Variants in ABCA13 observed in about 807,000 individuals in gnomAD.
The protein encoded by ABCA13 is ATP binding cassette subfamily A member 13.
In ABCA13, 476 loss-of-function variants were observed where a neutral mutation model predicts 478.7. That is an observed-to-expected ratio of 0.99 (90% CI 0.92 to 1.07). The LOEUF is 1.07. Among genes scored for constraint, ABCA13 ranks in the 50% least tolerant of loss-of-function variants. The pLI, the probability that ABCA13 is intolerant of heterozygous loss-of-function variation, is 0.00. For missense variants in ABCA13, 6,060 were observed against 5,910.6 expected, an observed-to-expected ratio of 1.03 and a Z score of -0.83; for synonymous variants, 2,252 against 2,158.9, an observed-to-expected ratio of 1.04 and a Z score of -1.20.
intron 23 of ABCA13, among the ~76,000 whole-genome samples, chr7:48,302,096 G>A (rs1463359559): frequency 6.6e-6 from 1 of 152,168 alleles, no homozygotes; most frequent in Non-Finnish European, 1.5e-5. Context: ...TCACAGCTGG[G>A]AGAGGGCCTG....
chr7:48,520,346 A>G (rs1832458248), intron 53 of ABCA13, 52 bp downstream of exon 53: 3 of 1,517,796 alleles, frequency 2.0e-6, no homozygotes, highest in Non-Finnish European at 2.6e-6. Context: ...GCAAAATGAG[A>G]GGAAGAGAAA....
chr7:48,294,472 C>T (rs1272562876), intron 20 of ABCA13, among the ~76,000 whole-genome samples: 2 of 140,102 alleles, frequency 1.4e-5, no homozygotes, highest in African/African-American at 5.3e-5. Context: ...CGGAGTCTCG[C>T]TCTGTCGCCC....
chr7:48,261,496 A>G (rs141910205), intron 15 of ABCA13, among the ~76,000 whole-genome samples: 85 of 152,020 alleles, frequency 5.6e-4, no homozygotes, highest in African/African-American at 1.7e-3. Flanking sequence ...AACTCCTGTT[A>G]GCCATCAGTT....
intron 59 of ABCA13, among the ~76,000 whole-genome samples, chr7:48,618,834 T>A (rs543675124): frequency 6.6e-6 from 1 of 152,246 alleles, no homozygotes; most frequent in Non-Finnish European, 1.5e-5. Context: ...GGTCAGCTGG[T>A]TTGTATTTGA....
At chr7:48,558,958 GC>G (rs1786156626) in intron 55 of ABCA13, among the ~76,000 whole-genome samples, 1 of 152,218 alleles carries the variant, frequency 6.6e-6, no homozygotes, top group Admixed American at 6.5e-5. Context: ...CATAGTGGCA[GC>G]CTTTTTGCTT....
chr7:48,571,146 T>C (rs1787604252), intron 55 of ABCA13, among the ~76,000 whole-genome samples: 1 of 152,196 alleles, frequency 6.6e-6, no homozygotes. Flanking sequence ...GATTGTGTGC[T>C]CATCAGCATT....
chr7:48,227,187 A>C (rs956292082), intron 5 of ABCA13, 75 bp from the exon 6 acceptor site: 41 of 1,529,734 alleles, frequency 2.7e-5, no homozygotes, highest in Non-Finnish European at 3.5e-5. Context: ...GCACCTTTGT[A>C]GCATCTGTCT....
chr7:48,621,283 C>T (rs1793104472), intron 59 of ABCA13, among the ~76,000 whole-genome samples: 2 of 152,162 alleles, frequency 1.3e-5, no homozygotes, highest in Admixed American at 6.6e-5. Context: ...ATCCTGCCTG[C>T]CAAAAGATCT....
chr7:48,420,836 G>A (rs1191028718), intron 41 of ABCA13, among the ~76,000 whole-genome samples: 1 of 150,956 alleles, frequency 6.6e-6, no homozygotes, highest in African/African-American at 2.4e-5. Context: ...ATGTCCCTAA[G>A]AGCAAAAGGA....
intron 21 of ABCA13, among the ~76,000 whole-genome samples, chr7:48,296,482 T>C (rs897946109): frequency 3.3e-5 from 5 of 150,344 alleles, no homozygotes; most frequent in African/African-American, 1.2e-4. Context: ...TTTTTTGAGA[T>C]GGAGTCTCGC....
At chr7:48,358,909 C>A (rs947359810) in intron 31 of ABCA13, among the ~76,000 whole-genome samples, 1 of 151,958 alleles carries the variant, frequency 6.6e-6, no homozygotes, top group African/African-American at 2.4e-5. Flanking sequence ...GACAGTGCAT[C>A]TCACCTTCTA....
At chr7:48,365,397 T>C (rs908656023) in intron 31 of ABCA13, among the ~76,000 whole-genome samples, 1 of 152,178 alleles carries the variant, frequency 6.6e-6, no homozygotes, top group Admixed American at 6.5e-5. Context: ...GTTTCCTTTG[T>C]TTGCAGAAGC....
intron 44 of ABCA13, among the ~76,000 whole-genome samples, chr7:48,468,228 C>T (rs954870928): frequency 3.3e-5 from 5 of 152,128 alleles, no homozygotes; most frequent in Non-Finnish European, 5.9e-5. Flanking sequence ...TGTTTGGACA[C>T]GTATTTTACT....
rs1204005773 is a variant in ABCA13, at chr7:48,387,830, G to C, written c.11344G>C (p.Gly3782Arg). The part of the protein sequence containing the change: ...YLSNLIPGTF[G>R]LRKPWYFPFT... ...ATTGTTTCATTTTTTAGGAACATTT[G>C]GTTTACGGAAACCATGGTATTTCCC... The change falls in exon 36 of 62, where the codon GGT becomes CGT. Residue 3782 changes from glycine to arginine, a missense_variant. Gly to Arg is a moderately radical substitution (Grantham distance 125). Around this residue, in one of 3 missense-constraint regions of ABCA13, gnomAD observed 1,627 missense variants for 1,571.0 expected, o/e 1.04. Transcript: ENST00000435803. The C allele has an allele frequency of 6.3e-7, 1 of 1,575,568 alleles. No individual in the cohort carries two copies. Among genetic ancestry groups the C allele is most frequent in the Admixed American group, 2.0e-5 (1 of 50,664 alleles).
Position 48,275,602 on chromosome 7 carries a change from G to A in ABCA13, c.5936G>A (p.Ser1979Asn), listed in dbSNP as rs1796196186. 6.2e-6 allele frequency: 10 copies of A among 1,611,320 alleles called. No individual in the cohort carries two copies. The highest frequency in any genetic ancestry group is 8.5e-6 in the Non-Finnish European group (10 of 1,178,340). The stretch of plus-strand genomic sequence containing the variant: ...GAAAATATTCTTGACAAACTAAGTA[G>A]TTTAAACAAGATCCTTAACATTAAT... The part of the protein sequence containing the change: ...SGENILDKLS[S>N]LNKILNINED... The change falls in exon 17 of 62, where the codon AGT becomes AAT. Residue 1979 changes from serine to asparagine, a missense_variant. Transcript: ENST00000435803.
At chr7:48,346,556 A>G (rs906825490) in intron 29 of ABCA13, among the ~76,000 whole-genome samples, 6 of 150,710 alleles carry the variant, frequency 4.0e-5, no homozygotes, top group African/African-American at 9.8e-5. Flanking sequence ...TTGGTTTTCT[A>G]TTTTCTAGTT....
At chr7:48,445,611 C>A (rs1824195741) in intron 42 of ABCA13, among the ~76,000 whole-genome samples, 2 of 152,194 alleles carry the variant, frequency 1.3e-5, no homozygotes, top group Non-Finnish European at 2.9e-5. Flanking sequence ...TTTGACTCTT[C>A]TGCAGAGTCT....
At chr7:48,428,081 G>A (rs558975791) in intron 42 of ABCA13, among the ~76,000 whole-genome samples, 10 of 151,048 alleles carry the variant, frequency 6.6e-5, no homozygotes, top group African/African-American at 2.4e-4. Context: ...TGTGTTTATG[G>A]GACACATTTA....
At chr7:48,408,113 T>G (rs1413604866) in intron 39 of ABCA13, among the ~76,000 whole-genome samples, 1 of 152,210 alleles carries the variant, frequency 6.6e-6, no homozygotes, top group African/African-American at 2.4e-5. Flanking sequence ...TCAGCAATTT[T>G]CTGGTATATA....
Sources: gnomAD v4.1 joint callset for allele counts (sites outside exome capture counted in the v4.1 genomes callset) on GRCh38, gnomAD v4.1.1 for gene constraint, gnomAD v4.1.1 regional missense constraint, MANE v1.5 for transcripts, NCBI Gene and HGNC (gene_info 2026-07-23, HGNC 2026-07-21) for gene names.